The following TAF1A variants were observed in gnomAD, a reference collection of about 807,000 sequenced individuals.
TAF1A encodes the protein TATA-box binding protein associated factor, RNA polymerase I subunit A.
Under a neutral mutation model 61.6 loss-of-function variants are expected in TAF1A, and 42 were observed. The ratio of observed to expected loss-of-function variants is 0.68; its 90% CI spans 0.53 to 0.88. TAF1A has a LOEUF of 0.88. TAF1A is among the 40% of genes least tolerant of loss of function. The pLI, the probability that TAF1A is intolerant of heterozygous loss-of-function variation, is 0.00. For synonymous variants in TAF1A, 179 were observed against 177.7 expected, an observed-to-expected ratio of 1.01 and a Z score of -0.06; for missense variants, 424 against 518.7, an observed-to-expected ratio of 0.82 and a Z score of 1.77.
downstream of TAF1A, among the ~76,000 whole-genome samples, chr1:222,554,882 A>G (rs1049865939): frequency 6.6e-6 from 1 of 152,208 alleles, no homozygotes; most frequent in African/African-American, 2.4e-5. Flanking sequence ...CAGAGATGTA[A>G]TTCACATTCC....
intron 4 of TAF1A, 141 bp downstream of exon 4, chr1:222,579,618 T>G: frequency 9.6e-7 from 1 of 1,039,954 alleles, no homozygotes; most frequent in Non-Finnish European, 1.4e-6. Flanking sequence ...ATAACGCTCT[T>G]TTCTTTCAGT....
At position 222,563,275 on chromosome 1, in the gene TAF1A, AG is replaced by A; in HGVS notation, c.982del (p.Leu328TrpfsTer10). 1 of 1,612,786 alleles carries A rather than the reference AG, an allele frequency of 6.2e-7. No individual in the cohort carries two copies. The highest frequency in any genetic ancestry group is 8.5e-7 in the Non-Finnish European group (1 of 1,179,514). On this transcript the variant is annotated frameshift_variant, in exon 9 of 11. Coordinates refer to ENST00000352967, the MANE Select transcript of TAF1A (RefSeq NM_005681.4). LOFTEE classifies it high-confidence loss of function. Reference protein sequence around the residue: ...RKSEKEEHRKLGLEVLFGVLD... With the variant: ...RKSEKEEHRKXGLEVLFGVLD... ...GACTCCAAATAATACCTCCAACCCC[AG>A]TTTACGGTGTTCTTCTTTTTCTGCA...
At chr1:222,583,988 T>C in intron 3 of TAF1A, 140 bp downstream of exon 3, 8 of 866,348 alleles carry the variant, frequency 9.2e-6, no homozygotes, top group Non-Finnish European at 1.2e-5. Context: ...AAGGTCCCAA[T>C]ACAAACTCTC....
In TAF1A at chr1:222,570,430, A is replaced by T. The variant is rs908531020; in HGVS notation, c.735+105T>A. 4.1e-6 allele frequency: 5 copies of T among 1,217,318 alleles called. No homozygotes were observed. In the African/African-American group the frequency reaches 6.0e-5, roughly 15 times the overall value. 75.4% of individuals were successfully genotyped at this position (1,217,318 alleles called of 1,614,324 possible). A position where few individuals can be genotyped will look rare whatever the true frequency, so the allele number is the denominator to read the frequency against. ...CCGTATTTTTGCTTTCTTTTAAATA[A>T]TTTTTTCCATTAGTTTCTTTCTGAT... On this transcript the variant is annotated intron_variant, in intron 6 of 10. Coordinates refer to ENST00000352967, the MANE Select transcript of TAF1A (RefSeq NM_005681.4).
In TAF1A at chr1:222,561,497, T is replaced by C. The variant is rs1451030760; in HGVS notation, c.1107A>G (p.Gln369=). ...AGTTTTTCCTGGAGTTCCACTCTTCTTGAACCCACGCAAGGTGGTTTCTGG... is the reference window on the plus strand; with the variant it reads ...AGTTTTTCCTGGAGTTCCACTCTTCCTGAACCCACGCAAGGTGGTTTCTGG... The part of the protein sequence containing the change: ...ILMGNHLAWV[Q]EEWNSRKNWW... The change falls in exon 10 of 11, where the codon CAA becomes CAG. Residue 369 remains glutamine (Q), a synonymous_variant. Coordinates refer to ENST00000352967, the MANE Select transcript of TAF1A (RefSeq NM_005681.4). 2 of 1,609,338 alleles carry C rather than the reference T, an allele frequency of 1.2e-6. No homozygotes were observed. Among genetic ancestry groups the C allele is most frequent in the African/African-American group, 1.3e-5 (1 of 74,816 alleles).
chr1:222,576,260 A>G (rs1301682721), intron 5 of TAF1A, among the ~76,000 whole-genome samples: 2 of 152,208 alleles, frequency 1.3e-5, no homozygotes, highest in Non-Finnish European at 2.9e-5. Context: ...AAGGCCTCAC[A>G]AGATTATCAT....
At chr1:222,584,054 T>C (rs1050005447) in intron 3 of TAF1A, 74 bp downstream of exon 3, 3 of 1,509,530 alleles carry the variant, frequency 2.0e-6, no homozygotes, top group Non-Finnish European at 2.7e-6. Context: ...CTGTAAAAGC[T>C]ACTGTAGGTG....
chr1:222,586,290 C>T (rs1424264809), intron 2 of TAF1A, among the ~76,000 whole-genome samples: 3 of 152,228 alleles, frequency 2.0e-5, no homozygotes, highest in Admixed American at 6.5e-5. Context: ...ACTGACAAAA[C>T]ACCTCGTCCT....
At chr1:222,585,902 C>A (rs1350801268) in intron 2 of TAF1A, among the ~76,000 whole-genome samples, 1 of 152,026 alleles carries the variant, frequency 6.6e-6, no homozygotes, top group Non-Finnish European at 1.5e-5. Flanking sequence ...AATATATAGT[C>A]ATTTAAAAAT....
rs1273902024 is a variant in TAF1A at position 222,561,466 on chromosome 1, GCC to G, written c.1136_1137del (p.Trp379SerfsTer13). 1 of 1,612,486 alleles carries G rather than the reference GCC, an allele frequency of 6.2e-7. No homozygotes were observed. The highest frequency in any genetic ancestry group is 1.7e-5 in the Admixed American group (1 of 59,894). On this transcript the variant is annotated frameshift_variant, in exon 10 of 11. Transcript: ENST00000352967. LOFTEE classifies it high-confidence loss of function. ...QEEWNSRKNW[W>X]PGFHFSYFWA... is the part of the protein sequence containing the mutation. ...CAAAAGTAGCTGAAATGAAAGCCTG[GCC>G]ACCAGTTTTTCCTGGAGTTCCACTC...
chr1:222,586,400 A>G (rs556630892), intron 2 of TAF1A, among the ~76,000 whole-genome samples: 157 of 152,360 alleles, frequency 1.0e-3, no homozygotes, highest in African/African-American at 3.6e-3. Context: ...TTGACTTTAG[A>G]TAACTATACC....
chr1:222,565,700 A>G (rs1344984697), intron 7 of TAF1A, among the ~76,000 whole-genome samples: 1 of 152,104 alleles, frequency 6.6e-6, no homozygotes. Context: ...TGTTTCTCCA[A>G]AAATACAAAA....
intron 4 of TAF1A, among the ~76,000 whole-genome samples, chr1:222,578,279 A>C (rs909999218): frequency 6.6e-6 from 1 of 152,202 alleles, no homozygotes; most frequent in Non-Finnish European, 1.5e-5. Flanking sequence ...ACTACAATTA[A>C]TCATATGGGT....
chr1:222,578,643 T>C (rs1392969729), intron 4 of TAF1A, among the ~76,000 whole-genome samples: 1 of 152,208 alleles, frequency 6.6e-6, no homozygotes, highest in Non-Finnish European at 1.5e-5. Context: ...CTTTCATTCT[T>C]TTCCTGATTC....
chr1:222,566,539 G>T (rs1368513473), intron 7 of TAF1A, among the ~76,000 whole-genome samples: 2 of 152,158 alleles, frequency 1.3e-5, no homozygotes, highest in Non-Finnish European at 2.9e-5. Flanking sequence ...GGGGTGATGG[G>T]AGACAGTTAC....
At chr1:222,575,005 A>T (rs1369423917) in intron 5 of TAF1A, among the ~76,000 whole-genome samples, 1 of 152,082 alleles carries the variant, frequency 6.6e-6, no homozygotes, top group Admixed American at 6.5e-5. Flanking sequence ...TATATCTCAC[A>T]TTTGTTTTAT....
Position 222,589,924 on chromosome 1 carries a change from C to T in TAF1A, c.-200G>A, listed in dbSNP as rs1218006040. 5.0e-6 allele frequency: 2 copies of T among 397,292 alleles called. No homozygotes were observed. Among genetic ancestry groups the T allele is most frequent in the African/African-American group, 4.1e-5 (2 of 48,610 alleles). 24.6% of individuals were successfully genotyped at this position (397,292 alleles called of 1,614,324 possible). Reference sequence around the variant, plus strand: ...AGGCGTATCGTTGGCCTCGCCTCGACCCCGGAAGTGACTTCTGGAAGTGAC... The same window carrying T: ...AGGCGTATCGTTGGCCTCGCCTCGATCCCGGAAGTGACTTCTGGAAGTGAC... On this transcript the variant is annotated 5_prime_UTR_variant, in exon 1 of 11. Transcript: ENST00000352967.
At chr1:222,569,266 A>C in intron 7 of TAF1A, 1 of 1,404,446 alleles carries the variant, frequency 7.1e-7, no homozygotes, top group South Asian at 1.4e-5. Flanking sequence ...AGTGCAGAGT[A>C]TTCCAACCAG....
chr1:222,574,201 T>C (rs1384901308), intron 5 of TAF1A, among the ~76,000 whole-genome samples: 1 of 152,164 alleles, frequency 6.6e-6, no homozygotes, highest in Non-Finnish European at 1.5e-5. Context: ...TCTATGAATA[T>C]ACTAAAAACC....
Sources: allele counts gnomAD v4.1 joint callset (sites outside exome capture counted in the v4.1 genomes callset), GRCh38; gene constraint gnomAD v4.1.1; transcripts MANE v1.5; gene names NCBI Gene and HGNC (gene_info 2026-07-23, HGNC 2026-07-21).